TUBD1: variants seen among roughly 807,000 people sequenced by gnomAD.
TUBD1 encodes tubulin delta 1.
Under a neutral mutation model 51.2 loss-of-function variants are expected in TUBD1, and 38 were observed. The observed-to-expected ratio is 0.74, with a 90% CI of 0.57 to 0.97. TUBD1 has a LOEUF of 0.97. Among genes scored for constraint, TUBD1 ranks in the 50% least tolerant of loss-of-function variants. The probability of loss-of-function intolerance (pLI) is 0.00; values close to 1 mark genes in which losing one functional copy is unlikely to be tolerated. For missense variants in TUBD1, 489 were observed against 538.4 expected (o/e 0.91, Z 0.91); for synonymous variants, 169 against 178.2 (o/e 0.95, Z 0.41).
At chr17:59,891,141 T>C (rs1489527191) in intron 1 of TUBD1, 100 bp from the exon 2 acceptor site, 3 of 663,348 alleles carry the variant, frequency 4.5e-6, no homozygotes, top group Non-Finnish European at 7.4e-6. Flanking sequence ...AAGTCTTTTT[T>C]CCCCCCTGAG....
chr17:59,887,180 CTG>C (rs1417721261), intron 2 of TUBD1, among the ~76,000 whole-genome samples: 1 of 151,940 alleles, frequency 6.6e-6, no homozygotes, highest in Non-Finnish European at 1.5e-5. Context: ...AAGCAAAACA[CTG>C]TCTCAAAACA....
rs2039390970 is a variant in TUBD1, at chr17:59,860,507, T to C, written c.1260-83A>G. 4.9e-6 allele frequency: 4 copies of C among 812,904 alleles called. No individual in the cohort carries two copies. In the Admixed American group the frequency reaches 7.4e-5, roughly 15 times the overall value. The allele number at this position is 812,904 out of a possible 1,614,324, so 50.4% of individuals were successfully genotyped here. A position where few individuals can be genotyped will look rare whatever the true frequency, so the allele number is the denominator to read the frequency against. On this transcript the variant is annotated intron_variant, in intron 8 of 8. Coordinates refer to ENST00000325752, the MANE Select transcript of TUBD1 (RefSeq NM_016261.4). The stretch of plus-strand genomic sequence containing the variant: ...TAACTCTTAAACAATAAACAGACCT[T>C]TTCTAGCTGATGAACATTTGAAGAT...
In TUBD1 at chr17:59,878,098, A is replaced by G. The variant is rs746182137; in HGVS notation, c.769+5T>C. ...CCTATAATTAACGTATAGAGGGACA[A>G]ATACCTAGTGGATTTCGTCTGTAGT... On this transcript the variant is annotated splice_donor_5th_base_variant and intron_variant, in intron 5 of 8. Transcript: ENST00000325752. 2 of 1,610,574 alleles carry G rather than the reference A, an allele frequency of 1.2e-6. No homozygotes were observed. The highest frequency in any genetic ancestry group is 2.2e-5 in the South Asian group (2 of 90,932).
intron 7 of TUBD1, among the ~76,000 whole-genome samples, chr17:59,865,153 G>T (rs780326412): frequency 2.0e-5 from 3 of 152,234 alleles, no homozygotes; most frequent in Non-Finnish European, 4.4e-5. Flanking sequence ...CCACTGTGCT[G>T]GGCCTTGGTT....
Position 59,890,965 on chromosome 17 carries a change from T to C in TUBD1, c.38A>G (p.Asn13Ser), listed in dbSNP as rs773919900. 17 of 1,613,642 alleles carry C rather than the reference T, an allele frequency of 1.1e-5. No individual in the cohort carries two copies. The highest frequency in any genetic ancestry group is 8.9e-5 in the East Asian group (4 of 44,882). The change falls in exon 2 of 9, where the codon AAT (asparagine) becomes AGT (serine). Residue 13 changes from asparagine to serine, a missense_variant. Asn to Ser is a conservative substitution (Grantham distance 46, BLOSUM62 1). Coordinates refer to ENST00000325752, the MANE Select transcript of TUBD1 (RefSeq NM_016261.4). The part of the protein sequence containing the change: ...IVTVQLGQCG[N>S]QIGFEVFDAL... ...ATCAAAAACTTCAAAACCAATCTGA[T>C]TGCCACACTGACCAAGTTGCACTGT... is the stretch of plus-strand genomic sequence containing the variant.
At chr17:59,877,630 T>C (rs2040284344) in intron 5 of TUBD1, among the ~76,000 whole-genome samples, 1 of 152,100 alleles carries the variant, frequency 6.6e-6, no homozygotes, top group African/African-American at 2.4e-5. Flanking sequence ...CAGCTGGGCA[T>C]GGTAGCACGT....
chr17:59,863,586 C>T (rs935920250), intron 8 of TUBD1, 78 bp downstream of exon 8: 118 of 1,257,246 alleles, frequency 9.4e-5, no homozygotes, highest in Non-Finnish European at 1.1e-4. Context: ...CACTGCACTC[C>T]AGCCTGGGCA....
intron 1 of TUBD1, among the ~76,000 whole-genome samples, chr17:59,891,487 G>C (rs2041032592): frequency 6.6e-6 from 1 of 152,050 alleles, no homozygotes. Context: ...AGATAGAACA[G>C]CTGTGTTGTC....
At chr17:59,863,025 T>G (rs1482439354) in intron 8 of TUBD1, among the ~76,000 whole-genome samples, 1 of 152,028 alleles carries the variant, frequency 6.6e-6, no homozygotes, top group East Asian at 1.9e-4. Context: ...CATGCCCGGC[T>G]GATGTTATTT....
In TUBD1 at chr17:59,881,041, A is replaced by T. The variant is rs768332441; in HGVS notation, c.390T>A (p.Cys130Ter). ...TGATGAAAAAACCACTGAAAGAGTCACATTTCTCCACTTCCTTCCGGATTA... is the reference window on the plus strand; with the variant it reads ...TGATGAAAAAACCACTGAAAGAGTCTCATTTCTCCACTTCCTTCCGGATTA... ...MNIIRKEVEK[C>*]DSFSGFFIIM... The change falls in exon 4 of 9, where the codon TGT becomes TGA. Residue 130 changes from cysteine (C) to a stop codon, truncating the protein, a stop_gained. Transcript: ENST00000325752. LOFTEE classifies it high-confidence loss of function. 4 of 1,614,050 alleles carry T rather than the reference A, an allele frequency of 2.5e-6. No homozygotes were observed. Among genetic ancestry groups the T allele is most frequent in the African/African-American group, 1.3e-5 (1 of 74,940 alleles).
chr17:59,878,441 C>T, intron 4 of TUBD1, 107 bp from the exon 5 acceptor site: 1 of 732,072 alleles, frequency 1.4e-6, no homozygotes, highest in South Asian at 1.8e-5. Flanking sequence ...CTGTCACTTT[C>T]TAGCCGTATG....
chr17:59,874,361 A>G (rs2040132065), intron 6 of TUBD1, among the ~76,000 whole-genome samples, 178 bp downstream of exon 6: 1 of 152,120 alleles, frequency 6.6e-6, no homozygotes, highest in South Asian at 2.1e-4. Flanking sequence ...TCTTTTGGTA[A>G]TGAAACTGTG....
chr17:59,868,108 CAAAAAAAAAAA>C (rs35401242), intron 6 of TUBD1, among the ~76,000 whole-genome samples: 10 of 26,802 alleles, frequency 3.7e-4, no homozygotes, highest in African/African-American at 1.0e-3. Flanking sequence ...ACTAAAAATA[CAAAAAAAAAAA>C]AAAAAAAAAA....
At chr17:59,864,853 GTTTTCTT>G (rs1335682439) in intron 7 of TUBD1, among the ~76,000 whole-genome samples, 2 of 151,642 alleles carry the variant, frequency 1.3e-5, no homozygotes, top group African/African-American at 4.8e-5. Flanking sequence ...AGATTGTTCG[GTTTTCTT>G]TTTTCTTTTT....
chr17:59,886,446 G>GA (rs1434122670), intron 2 of TUBD1: 1 of 507,934 alleles, frequency 2.0e-6, no homozygotes, highest in East Asian at 3.5e-5. Flanking sequence ...TAAGCAGGCT[G>GA]AATCAGTGTG....
Position 59,874,620 on chromosome 17 carries a change from A to G in TUBD1, c.853T>C (p.Leu285=), listed in dbSNP as rs750224983. Residue 285 remains leucine, a synonymous_variant, in exon 6 of 9, where the codon TTG becomes CTG. Transcript: ENST00000325752. ...GCCCAAGTAAATGTGGTGTATGCCA[A>G]TGAATTCTCAGACATGTGAGGAATG... ...RNIPHMSENS[L]AYTTFTWAGL... is the part of the protein sequence containing the mutation. 1.9e-6 allele frequency: 3 copies of G among 1,613,842 alleles called. No individual in the cohort carries two copies. The highest frequency in any genetic ancestry group is 2.2e-5 in the East Asian group (1 of 44,868).
chr17:59,888,105 T>C (rs1188768894), intron 2 of TUBD1, among the ~76,000 whole-genome samples: 1 of 152,124 alleles, frequency 6.6e-6, no homozygotes. Flanking sequence ...TGGCTAATTT[T>C]TTTGTATTTT....
At chr17:59,887,786 CCTAA>C (rs1449384896) in intron 2 of TUBD1, among the ~76,000 whole-genome samples, 1 of 152,026 alleles carries the variant, frequency 6.6e-6, no homozygotes, top group African/African-American at 2.4e-5. Flanking sequence ...TGCCATTACA[CCTAA>C]CTAATTTTTA....
intron 5 of TUBD1, among the ~76,000 whole-genome samples, chr17:59,876,261 C>A (rs2040218755): frequency 6.6e-6 from 1 of 151,864 alleles, no homozygotes; most frequent in Non-Finnish European, 1.5e-5. Flanking sequence ...GCTCTGCAAC[C>A]TCGAACTCCC....
Sources: gnomAD v4.1 joint callset for allele counts (sites outside exome capture counted in the v4.1 genomes callset) on GRCh38, gnomAD v4.1.1 for gene constraint, MANE v1.5 for transcripts, NCBI Gene and HGNC (gene_info 2026-07-23, HGNC 2026-07-21) for gene names.